Variants in RENBP observed in about 807,000 individuals in gnomAD.
RENBP encodes the protein renin binding protein.
Under a neutral mutation model 37.8 loss-of-function variants are expected in RENBP, and 16 were observed. That is an observed-to-expected ratio of 0.42 (90% CI 0.29 to 0.64). The LOEUF is 0.64. Ranked by LOEUF, RENBP falls within the 30% of genes least tolerant of loss-of-function variation. The pLI is 0.19. For synonymous variants in RENBP, 170 were observed against 154.8 expected (o/e 1.10, Z -0.73); for missense variants, 347 against 379.5 (o/e 0.91, Z 0.71).
rs2065195238 is a variant in RENBP, at chrX:153,935,466, G to A, written c.1165+23C>T. 9 of 1,183,111 alleles carry A rather than the reference G, an allele frequency of 7.6e-6. No individual in the cohort carries two copies. In the East Asian group the frequency reaches 2.7e-4, roughly 35 times the overall value. On this transcript the variant is annotated intron_variant, in intron 10 of 10. Transcript: ENST00000393700. ...GCAGCCGAGAGGCGCAACCCCTGCG[G>A]CCCCGCCCTCTCCCCCACTCACCTT...
chrX:153,935,454 G>A, intron 10 of RENBP, 35 bp downstream of exon 10: 1 of 1,164,052 alleles, frequency 8.6e-7, no homozygotes, highest in Non-Finnish European at 1.2e-6. Context: ...GCCGAGAGGC[G>A]CAACCCCTGC....
intron 8 of RENBP, 41 bp from the exon 9 acceptor site, chrX:153,940,274 C>T (rs782658727): frequency 2.5e-6 from 3 of 1,201,284 alleles, no homozygotes; most frequent in Non-Finnish European, 3.4e-6. Flanking sequence ...CAGGAAACTC[C>T]CCTCCGCAAC....
chrX:153,936,728 ACT>A (rs1360767316), intron 9 of RENBP, among the ~76,000 whole-genome samples: 16 of 107,702 alleles, frequency 1.5e-4, no homozygotes, highest in Middle Eastern at 4.6e-3. Flanking sequence ...TGCCCATTCC[ACT>A]CTCTTTCCTT....
At chrX:153,941,703 G>A (rs2065227426) in intron 7 of RENBP, 50 bp from the exon 8 acceptor site, 1 of 586,759 alleles carries the variant, frequency 1.7e-6, no homozygotes, top group Middle Eastern at 5.4e-4. Context: ...GTGGGGTTGA[G>A]GGAGGGAACA....
In RENBP at chrX:153,941,608, C is replaced by G. The variant is rs782052502; in HGVS notation, c.815G>C (p.Arg272Pro). The G allele has an allele frequency of 2.5e-6, 3 of 1,200,568 alleles. No homozygotes were observed. The highest frequency in any genetic ancestry group is 4.5e-5 in the Admixed American group (2 of 44,314). Residue 272 changes from arginine (R) to proline (P), a missense_variant, in exon 8 of 11, where the codon CGG becomes CCG. Arg to Pro is a moderately radical substitution (Grantham distance 103, BLOSUM62 -2). This residue lies in a region of RENBP where 244 missense variants were observed against 279.4 expected (regional missense o/e 0.87). Coordinates refer to ENST00000393700, the MANE Select transcript of RENBP (RefSeq NM_002910.6). The part of the protein sequence containing the change: ...AGWFLLRHCI[R>P]KGDPELRAHV... ...GGCTCGAAGTTCGGGGTCGCCTTTC[C>G]GAATGCAATGACGGAGCAGAAACCA...
chrX:153,943,908 G>A lies in RENBP; in HGVS notation c.276C>T (p.Asp92=), dbSNP rs371899082. 7.6e-6 allele frequency: 9 copies of A among 1,179,556 alleles called. No individual in the cohort carries two copies. In the African/African-American group the frequency reaches 1.1e-4, roughly 14 times the overall value. Residue 92 remains aspartate (D), a synonymous_variant, in exon 4 of 11, where the codon GAC becomes GAT. Coordinates refer to ENST00000393700, the MANE Select transcript of RENBP (RefSeq NM_002910.6). The part of the protein sequence containing the change: ...FERFRHAQLL[D]AAKAGGEFLL... The stretch of plus-strand genomic sequence containing the variant: ...GGGGGCACCTACCTGCTTTTGCTGC[G>A]TCCAGAAGCTGAGCATGGCGGAAGC...
intron 6 of RENBP, 110 bp from the exon 7 acceptor site, chrX:153,942,141 A>G: frequency 1.7e-6 from 1 of 578,307 alleles, no homozygotes; most frequent in Non-Finnish European, 2.8e-6. Flanking sequence ...CTCTTACCCA[A>G]GCCCCTGGAC....
chrX:153,938,687 G>T (rs1441090612), intron 9 of RENBP, among the ~76,000 whole-genome samples: 5 of 110,431 alleles, frequency 4.5e-5, no homozygotes, highest in African/African-American at 6.6e-5. Flanking sequence ...GGAGCCCCTG[G>T]CTTGGTTTTC....
At chrX:153,944,537 C>T (rs782227124) in intron 1 of RENBP, 47 bp downstream of exon 1, 2 of 1,173,111 alleles carry the variant, frequency 1.7e-6, no homozygotes, top group South Asian at 1.9e-5. Flanking sequence ...GTCACCATCC[C>T]CGGGACCCTC....
chrX:153,936,804 C>G (rs1261254276), intron 9 of RENBP, among the ~76,000 whole-genome samples: 2 of 111,991 alleles, frequency 1.8e-5, no homozygotes, highest in African/African-American at 6.5e-5. Context: ...AGCCCCTTCT[C>G]AAAAGGATCA....
chrX:153,938,791 T>TGTTTG (rs1246205466), intron 9 of RENBP, among the ~76,000 whole-genome samples: 25 of 90,908 alleles, frequency 2.8e-4, no homozygotes, highest in African/African-American at 1.3e-3. Context: ...TGTTTTTTTT[T>TGTTTG]TTTTGTTTTT....
intron 6 of RENBP, chrX:153,942,550 ATGTAATCCTCACTTCTGGCC>A: frequency 2.9e-6 from 1 of 344,320 alleles, no homozygotes; most frequent in East Asian, 5.3e-5. Flanking sequence ...GCCTAGGAAG[ATGTAATCCTCACTTCTGGCC>A]TGATCCTCTC....
chrX:153,936,462 C>T (rs1347410693), intron 9 of RENBP, among the ~76,000 whole-genome samples: 5 of 99,676 alleles, frequency 5.0e-5, no homozygotes, highest in African/African-American at 1.5e-4. Flanking sequence ...GCCAAGATCG[C>T]GCCACTGCAC....
In RENBP at chrX:153,942,025, C is replaced by T. The variant is rs2065229226; in HGVS notation, c.694G>A (p.Gly232Arg). 8.4e-7 allele frequency: 1 copy of T among 1,191,052 alleles called. No individual in the cohort carries two copies. Among genetic ancestry groups the T allele is most frequent in the Non-Finnish European group, 1.1e-6 (1 of 881,880 alleles). The change falls in exon 7 of 11, where the codon GGA becomes AGA. Residue 232 changes from glycine (G) to arginine (R), a missense_variant. Around this residue, in one of 3 missense-constraint regions of RENBP, gnomAD observed 244 missense variants for 279.4 expected, o/e 0.87. Transcript: ENST00000393700. ...RRILQHVQRD[G>R]QAVLENVSEG... ...GACACATTCTCCAGCACAGCTTGTC[C>T]ATCCCTCTACCGGGAAGGAGCAGAA...
Position 153,935,324 on chromosome X carries a change from AG to A in RENBP, c.1245del (p.Ser416ProfsTer15). The A allele has an allele frequency of 1.3e-5, 9 of 702,242 alleles. No individual in the cohort carries two copies. Among genetic ancestry groups the A allele is most frequent in the Non-Finnish European group, 1.7e-5 (9 of 521,653 alleles). 57.9% of individuals were successfully genotyped at this position (702,242 alleles called of 1,213,427 possible). ...GALLSRPAPAPSPAPTPACRG... is the reference protein window; with the variant it reads ...GALLSRPAPAXSPAPTPACRG... ...CGGCAGGCGGGGGTGGGGGCGGGGG[AG>A]GGGGCGGGGGCGGGGCGGCTCAGCA... On this transcript the variant is annotated frameshift_variant, in exon 11 of 11. Coordinates refer to ENST00000393700, the MANE Select transcript of RENBP (RefSeq NM_002910.6). LOFTEE classifies it low-confidence loss of function (END_TRUNC).
At chrX:153,936,505 CAAAAAAA>C (rs782037368) in intron 9 of RENBP, among the ~76,000 whole-genome samples, 1 of 35,759 alleles carries the variant, frequency 2.8e-5, no homozygotes, top group Non-Finnish European at 5.9e-5. Flanking sequence ...GACTCCGTCT[CAAAAAAA>C]AAAAAAAAAA....
intron 7 of RENBP, 94 bp downstream of exon 7, chrX:153,941,856 C>T (rs2065227980): frequency 8.0e-6 from 7 of 871,587 alleles, no homozygotes; most frequent in African/African-American, 8.0e-5. Context: ...CTCCTCAAGG[C>T]GCCCCCGCCA....
At position 153,944,588 on chromosome X, in the gene RENBP, C is replaced by T. The variant is rs1451688807; in HGVS notation, c.23G>A (p.Arg8Gln). Residue 8 changes from arginine to glutamine, a missense_variant, in exon 1 of 11, where the codon CGA becomes CAA. This residue lies in a region of RENBP where 244 missense variants were observed against 279.4 expected (regional missense o/e 0.87). Transcript: ENST00000393700. ...CCCAAGCACCCCACCACTGGCCTGT[C>T]GCGCTGGGAGACCCTTGCTCATCCC... is the stretch of plus-strand genomic sequence containing the variant. MSKGLPA[R>Q]QDMEKERETL... The T allele has an allele frequency of 2.6e-6, 3 of 1,168,115 alleles. No homozygotes were observed. In the East Asian group the frequency reaches 9.7e-5, roughly 38 times the overall value.
intron 9 of RENBP, among the ~76,000 whole-genome samples, chrX:153,939,308 A>C (rs2065216789): frequency 9.0e-6 from 1 of 111,564 alleles, no homozygotes; most frequent in African/African-American, 3.3e-5. Flanking sequence ...ACTGGTTTTG[A>C]AGTCCTCGGT....
Sources: gnomAD v4.1 joint callset for allele counts (sites outside exome capture counted in the v4.1 genomes callset) on GRCh38, gnomAD v4.1.1 for gene constraint, gnomAD v4.1.1 regional missense constraint, MANE v1.5 for transcripts, NCBI Gene and HGNC (gene_info 2026-07-23, HGNC 2026-07-21) for gene names.